The following TRIM69 variants were observed in gnomAD, a reference collection of about 807,000 sequenced individuals.
TRIM69 encodes E3 ubiquitin-protein ligase TRIM69.
A neutral mutation model predicts 37.7 loss-of-function variants in TRIM69; 29 were observed. The ratio of observed to expected loss-of-function variants is 0.77; its 90% CI spans 0.57 to 1.05. TRIM69 has a LOEUF of 1.05. Ranked by LOEUF, TRIM69 falls within the 50% of genes least tolerant of loss-of-function variation. The pLI is 0.00. For synonymous variants in TRIM69, 209 were observed against 212.4 expected, an observed-to-expected ratio of 0.98 and a Z score of 0.14; for missense variants, 596 against 579.9, an observed-to-expected ratio of 1.03 and a Z score of -0.28.
At chr15:44,753,672 G>A (rs371483384) in intron 1 of TRIM69, 5 of 151,982 alleles carry the variant, frequency 3.3e-5, no homozygotes, top group Admixed American at 2.6e-4. Context: ...CTTCTTGGAT[G>A]TAAAATTTCA....
At position 44,756,378 on chromosome 15, in the gene TRIM69, C is replaced by T. The variant is rs867717746; in HGVS notation, c.494C>T (p.Ala165Val). The T allele has an allele frequency of 6.5e-7, 1 of 1,549,444 alleles. No homozygotes were observed. Among genetic ancestry groups the T allele is most frequent in the South Asian group, 1.2e-5 (1 of 83,954 alleles). Residue 165 changes from alanine (A) to valine (V), a missense_variant, in exon 3 of 7, where the codon GCC (alanine) becomes GTC (valine). Coordinates refer to ENST00000329464, the MANE Select transcript of TRIM69 (RefSeq NM_182985.5). Reference protein sequence around the residue: ...DAVHFFTEELAIQQGQLETTL... With the variant: ...DAVHFFTEELVIQQGQLETTL... ...ATTTGATATTCCCAGGAGGAGCTTG[C>T]CATCCAACAGGGTCAACTGGAGACA... is the stretch of plus-strand genomic sequence containing the variant.
Position 44,756,367 on chromosome 15 carries a change from GGA to G in TRIM69, c.485_486del (p.Glu162GlyfsTer62), listed in dbSNP as rs1566896557. 2 of 1,547,654 alleles carry G rather than the reference GGA, an allele frequency of 1.3e-6. No homozygotes were observed. Among genetic ancestry groups the G allele is most frequent in the East Asian group, 4.9e-5 (2 of 40,906 alleles). ...GGGTTAATTCTATTTGATATTCCCAGGAGGAGCTTGCCATCCAACAGGGTCAA... is the reference window on the plus strand; with the variant it reads ...GGGTTAATTCTATTTGATATTCCCAGGGAGCTTGCCATCCAACAGGGTCAA... Reference protein sequence around the residue: ...QISDAVHFFTEELAIQQGQLE... With the variant: ...QISDAVHFFTXELAIQQGQLE... On this transcript the variant is annotated frameshift_variant and splice_region_variant, in exon 3 of 7. Coordinates refer to ENST00000329464, the MANE Select transcript of TRIM69 (RefSeq NM_182985.5). LOFTEE classifies it high-confidence loss of function.
Position 44,760,349 on chromosome 15 carries a change from TAAG to T in TRIM69, c.961+481_961+483del, listed in dbSNP as rs543214438. On this transcript the variant is annotated intron_variant, in intron 6 of 6. Transcript: ENST00000329464. The stretch of plus-strand genomic sequence containing the variant: ...AACCAATAATTTAAATAAACATACC[TAAG>T]AAGGACACTAAGTTTTTGTGTTCCT... Among the ~76,000 whole-genome samples the T allele has an allele frequency of 5.8e-4, 88 of 152,288 alleles. 1 individual carries two copies. The East Asian group carries it at 0.016, about 27-fold the overall frequency.
intron 6 of TRIM69, among the ~76,000 whole-genome samples, chr15:44,766,900 A>T (rs184455198): frequency 1.3e-5 from 2 of 151,530 alleles, no homozygotes; most frequent in Non-Finnish European, 2.9e-5. Context: ...CTACTAAAAA[A>T]TTACAAAGAT....
chr15:44,767,100 C>T (rs1254265752), intron 6 of TRIM69, 131 bp from the exon 7 acceptor site: 7 of 165,962 alleles, frequency 4.2e-5, no homozygotes, highest in Admixed American at 1.7e-4. Context: ...TAAGTAATTG[C>T]TTGCCTGTCT....
At chr15:44,745,413 A>G (rs992858716) in intron 1 of TRIM69, among the ~76,000 whole-genome samples, 2 of 152,206 alleles carry the variant, frequency 1.3e-5, no homozygotes, top group Non-Finnish European at 2.9e-5. Context: ...AAGAAGTAAC[A>G]AAAAACCCCA....
chr15:44,741,898 A>G (rs1239681764), intron 1 of TRIM69, among the ~76,000 whole-genome samples: 2 of 152,188 alleles, frequency 1.3e-5, no homozygotes, highest in Non-Finnish European at 2.9e-5. Context: ...ACAAGGAGGA[A>G]CTGGTACCAT....
At chr15:44,739,763 A>C (rs1038698763) in intron 1 of TRIM69, among the ~76,000 whole-genome samples, 1 of 151,864 alleles carries the variant, frequency 6.6e-6, no homozygotes, top group Non-Finnish European at 1.5e-5. Context: ...CAGCTCAAGG[A>C]GGCCTGCCTG....
intron 6 of TRIM69, among the ~76,000 whole-genome samples, chr15:44,763,209 A>C (rs983901221): frequency 2.6e-5 from 4 of 152,152 alleles, no homozygotes; most frequent in African/African-American, 9.7e-5. Flanking sequence ...ACAGTTTCTC[A>C]GGCTTGCCTT....
chr15:44,738,278 C>T lies in TRIM69; in HGVS notation c.6+1568C>T, dbSNP rs527485653. Among the ~76,000 whole-genome samples, 11 of 151,020 alleles carry T rather than the reference C, an allele frequency of 7.3e-5. No homozygotes were observed. The East Asian group carries it at 2.1e-3, about 29-fold the overall frequency. On this transcript the variant is annotated intron_variant, in intron 1 of 6. Transcript: ENST00000329464. ...TAGAGATGAGGTCTCACCATGTTAC[C>T]CAGGCTTGTCTCCAACTCCTGACCT...
intron 1 of TRIM69, among the ~76,000 whole-genome samples, chr15:44,739,006 ATAAT>A (rs1201785425): frequency 1.3e-5 from 2 of 152,214 alleles, no homozygotes; most frequent in Non-Finnish European, 2.9e-5. Flanking sequence ...TATAATATCA[ATAAT>A]TAATAACATT....
At position 44,758,743 on chromosome 15, in the gene TRIM69, G is replaced by C. The variant is rs2087707093; in HGVS notation, c.702G>C (p.Glu234Asp). 2 of 1,614,192 alleles carry C rather than the reference G, an allele frequency of 1.2e-6. No homozygotes were observed. Among genetic ancestry groups the C allele is most frequent in the Non-Finnish European group, 8.5e-7 (1 of 1,180,034 alleles). ...ELREEGKALN[E>D]EMELNLSQLQ... The stretch of plus-strand genomic sequence containing the variant: ...GGGAAGAGGGGAAAGCCTTGAATGA[G>C]GAGATGGAGTTGAATCTGAGCCAGC... Residue 234 changes from glutamate (E) to aspartate (D), a missense_variant, in exon 4 of 7, where the codon GAG becomes GAC. By Grantham distance (45) the Glu-to-Asp change is conservative. Coordinates refer to ENST00000329464, the MANE Select transcript of TRIM69 (RefSeq NM_182985.5).
At chr15:44,740,167 G>A (rs1254017139) in intron 1 of TRIM69, among the ~76,000 whole-genome samples, 1 of 152,160 alleles carries the variant, frequency 6.6e-6, no homozygotes, top group Non-Finnish European at 1.5e-5. Flanking sequence ...TGCAGCTGAG[G>A]GTCCTGTCTG....
At chr15:44,767,104 C>G (rs957518165) in intron 6 of TRIM69, 127 bp from the exon 7 acceptor site, 1 of 213,530 alleles carries the variant, frequency 4.7e-6, no homozygotes, top group Non-Finnish European at 9.0e-6. Context: ...TAATTGCTTG[C>G]CTGTCTAAGA....
chr15:44,762,892 A>G (rs1025289196), intron 6 of TRIM69, among the ~76,000 whole-genome samples: 1 of 152,008 alleles, frequency 6.6e-6, no homozygotes, highest in Non-Finnish European at 1.5e-5. Context: ...TTGTATGGCT[A>G]GTAATCTTTT....
intron 6 of TRIM69, among the ~76,000 whole-genome samples, chr15:44,761,280 T>G (rs896799993): frequency 3.9e-5 from 6 of 152,202 alleles, no homozygotes; most frequent in South Asian, 4.1e-4. Context: ...ATTTATTCAG[T>G]TTACTTATTC....
At chr15:44,741,888 A>G (rs2141309107) in intron 1 of TRIM69, among the ~76,000 whole-genome samples, 1 of 152,376 alleles carries the variant, frequency 6.6e-6, no homozygotes, top group East Asian at 1.9e-4. Context: ...TACCAGAGGT[A>G]CAAGGAGGAA....
chr15:44,760,921 A>AT lies in TRIM69; in HGVS notation c.961+1063dup, dbSNP rs879904771. ...CTTCTGGTTTTTTTCACTTAGCATA[A>AT]TTTTTTTTTTTTTTGAGATGGAGTC... On this transcript the variant is annotated intron_variant, in intron 6 of 6. Coordinates refer to ENST00000329464, the MANE Select transcript of TRIM69 (RefSeq NM_182985.5). Among the ~76,000 whole-genome samples, 289 of 143,714 alleles carry AT rather than the reference A, an allele frequency of 2.0e-3. 1 individual carries two copies. Among genetic ancestry groups the AT allele is most frequent in the East Asian group, 0.013 (66 of 4,978 alleles). The allele number at this position is 143,714 out of a possible 152,430, so 94.3% of individuals were successfully genotyped here. A position where few individuals can be genotyped will look rare whatever the true frequency, so the allele number is the denominator to read the frequency against.
At chr15:44,751,201 C>A (rs1338756274) in intron 1 of TRIM69, among the ~76,000 whole-genome samples, 30 of 150,248 alleles carry the variant, frequency 2.0e-4, no homozygotes, top group Non-Finnish European at 4.3e-4. Flanking sequence ...CTGCAACCTC[C>A]CCCTCCCAGG....
Sources: gnomAD v4.1 joint callset for allele counts (sites outside exome capture counted in the v4.1 genomes callset) on GRCh38, gnomAD v4.1.1 for gene constraint, MANE v1.5 for transcripts, NCBI Gene and HGNC (gene_info 2026-07-23, HGNC 2026-07-21) for gene names.